SFMBT2: variants seen among roughly 807,000 people sequenced by gnomAD.
SFMBT2 encodes the protein Scm like with four mbt domains 2.
In SFMBT2, 38 loss-of-function variants were observed where a neutral mutation model predicts 110.1. The ratio of observed to expected loss-of-function variants is 0.35; its 90% confidence interval spans 0.27 to 0.45. SFMBT2 has a LOEUF of 0.45. SFMBT2 is among the 20% of genes least tolerant of loss of function. The probability of loss-of-function intolerance (pLI) is 1.00; values close to 1 mark genes in which losing one functional copy is unlikely to be tolerated. For synonymous variants in SFMBT2, 425 were observed against 425.4 expected (o/e 1.00, Z 0.01); for missense variants, 1,011 against 1,094.9 (o/e 0.92, Z 1.08).
chr10:7,181,360 G>A (rs1315885481), intron 16 of SFMBT2, among the ~76,000 whole-genome samples: 1 of 151,230 alleles, frequency 6.6e-6, no homozygotes, highest in African/African-American at 2.4e-5. Flanking sequence ...TATTCCAAAA[G>A]CTGAAAAAAG....
intron 1 of SFMBT2, among the ~76,000 whole-genome samples, chr10:7,396,214 G>A (rs1020376658): frequency 3.3e-5 from 5 of 152,144 alleles, no homozygotes; most frequent in African/African-American, 4.8e-5. Context: ...GCGCCACTGC[G>A]CTACAGCCTG....
At chr10:7,403,399 T>G (rs1012897697) in intron 1 of SFMBT2, among the ~76,000 whole-genome samples, 2 of 152,164 alleles carry the variant, frequency 1.3e-5, no homozygotes, top group Non-Finnish European at 2.9e-5. Flanking sequence ...TTCCAGCACT[T>G]TGGGAGGCTG....
intron 20 of SFMBT2, among the ~76,000 whole-genome samples, chr10:7,166,492 T>G (rs1837697544): frequency 6.6e-6 from 1 of 152,250 alleles, no homozygotes; most frequent in Non-Finnish European, 1.5e-5. Context: ...TGTATTTACT[T>G]GCCAATATTT....
chr10:7,397,814 A>T (rs987073220), intron 1 of SFMBT2, among the ~76,000 whole-genome samples: 8 of 152,218 alleles, frequency 5.3e-5, no homozygotes, highest in Non-Finnish European at 7.3e-5. Context: ...TCTTCTATTT[A>T]TACTCGCCCC....
intron 7 of SFMBT2, among the ~76,000 whole-genome samples, chr10:7,271,706 C>A (rs1370638378): frequency 6.6e-6 from 1 of 152,162 alleles, no homozygotes; most frequent in Non-Finnish European, 1.5e-5. Flanking sequence ...GGGCAATTTA[C>A]TAAAGAAAGA....
chr10:7,381,085 A>G (rs1010868686), intron 2 of SFMBT2, among the ~76,000 whole-genome samples: 1 of 151,650 alleles, frequency 6.6e-6, no homozygotes, highest in African/African-American at 2.4e-5. Flanking sequence ...ACATACATAC[A>G]TACATACATA....
At position 7,218,408 on chromosome 10, in the gene SFMBT2, T is replaced by G. The variant is rs1169082056; in HGVS notation, c.1330+2003A>C. On this transcript the variant is annotated intron_variant, in intron 11 of 20. Coordinates refer to ENST00000397167, the MANE Select transcript of SFMBT2 (RefSeq NM_001387889.1). Reference sequence around the variant, plus strand: ...CAAGACCCAGGAAACTGACTGGAATTTTACTTTATTTGTATGCAGTATCTT... The same window carrying G: ...CAAGACCCAGGAAACTGACTGGAATGTTACTTTATTTGTATGCAGTATCTT... 2.0e-5 allele frequency among the ~76,000 whole-genome samples: 3 copies of G among 152,196 alleles called. No individual in the cohort carries two copies. In the East Asian group the frequency reaches 5.8e-4, roughly 29 times the overall value.
intron 4 of SFMBT2, among the ~76,000 whole-genome samples, chr10:7,332,391 T>C (rs1267555434): frequency 6.6e-6 from 1 of 152,214 alleles, no homozygotes; most frequent in African/African-American, 2.4e-5. Context: ...AAGGGTGCTA[T>C]TCATCAATAG....
intron 20 of SFMBT2, among the ~76,000 whole-genome samples, chr10:7,168,077 A>G (rs115653494): frequency 0.013 from 2,030 of 151,996 alleles, 44 homozygotes; most frequent in African/African-American, 0.047. Flanking sequence ...TCAAAAAAAA[A>G]AAAGAGCAAC....
At chr10:7,200,931 C>T in intron 13 of SFMBT2, 1 of 795,976 alleles carries the variant, frequency 1.3e-6, no homozygotes, top group Non-Finnish European at 1.5e-6. Flanking sequence ...GGAGTCATGG[C>T]CACACTAAAA....
At chr10:7,339,757 C>T (rs1843830494) in intron 4 of SFMBT2, among the ~76,000 whole-genome samples, 2 of 152,228 alleles carry the variant, frequency 1.3e-5, no homozygotes, top group South Asian at 4.1e-4. Context: ...CTGAATAAAT[C>T]TCCTCCAACT....
At chr10:7,229,150 C>A (rs1029134091) in intron 9 of SFMBT2, among the ~76,000 whole-genome samples, 1 of 152,108 alleles carries the variant, frequency 6.6e-6, no homozygotes, top group African/African-American at 2.4e-5. Flanking sequence ...TAAGAGATTT[C>A]TTATGTTTTT....
At chr10:7,270,212 G>T (rs1456380541) in intron 7 of SFMBT2, among the ~76,000 whole-genome samples, 1 of 152,176 alleles carries the variant, frequency 6.6e-6, no homozygotes, top group Non-Finnish European at 1.5e-5. Context: ...ACCGAGGGAG[G>T]TGGCCACAGA....
intron 4 of SFMBT2, among the ~76,000 whole-genome samples, chr10:7,290,882 A>G (rs937439293): frequency 5.1e-4 from 78 of 152,328 alleles, no homozygotes; most frequent in African/African-American, 1.7e-3. Context: ...TGAGTCCCAT[A>G]TAAAGGCAGA....
chr10:7,209,655 T>C (rs962304564), intron 11 of SFMBT2, among the ~76,000 whole-genome samples: 7 of 152,102 alleles, frequency 4.6e-5, no homozygotes, highest in African/African-American at 1.7e-4. Flanking sequence ...CTACCATCTG[T>C]TTAAAAGGGG....
rs1163076613 is a variant in SFMBT2, at chr10:7,407,159, T to A, written c.-52+3702A>T. 2.0e-5 allele frequency among the ~76,000 whole-genome samples: 3 copies of A among 151,952 alleles called. No homozygotes were observed. The East Asian group carries it at 5.8e-4, about 29-fold the overall frequency. ...TAGGGAAAAAGCAGGAGACCTCCTA[T>A]CTCCAGGGCGGGCCTAGGGAACAAT... On this transcript the variant is annotated intron_variant, in intron 1 of 20. Coordinates refer to ENST00000397167, the MANE Select transcript of SFMBT2 (RefSeq NM_001387889.1).
chr10:7,368,435 A>G (rs1288703296), intron 3 of SFMBT2: 5 of 851,536 alleles, frequency 5.9e-6, no homozygotes, highest in Non-Finnish European at 7.1e-6. Context: ...TTAACATTGC[A>G]AAGCTGACAT....
chr10:7,271,093 T>C (rs143467334), intron 7 of SFMBT2, among the ~76,000 whole-genome samples: 1,800 of 152,168 alleles, frequency 0.012, 23 homozygotes, highest in Middle Eastern at 0.017. Flanking sequence ...AAGACCAGCC[T>C]GGCGAACATG....
intron 4 of SFMBT2, among the ~76,000 whole-genome samples, chr10:7,331,356 G>A (rs61837680): frequency 0.073 from 11,099 of 152,272 alleles, 535 homozygotes; most frequent in Non-Finnish European, 0.11. Flanking sequence ...AAAGCCAGGT[G>A]AAAACTGTGA....
Sources: allele counts gnomAD v4.1 joint callset (sites outside exome capture counted in the v4.1 genomes callset), GRCh38; gene constraint gnomAD v4.1.1; transcripts MANE v1.5; gene names NCBI Gene and HGNC (gene_info 2026-07-23, HGNC 2026-07-21).